PRKCH: variants seen among roughly 807,000 people sequenced by gnomAD.
The protein encoded by PRKCH is protein kinase C eta type.
A neutral mutation model predicts 82.5 loss-of-function variants in PRKCH; 28 were observed. That is an observed-to-expected ratio of 0.34 (90% CI 0.25 to 0.47). PRKCH has a LOEUF of 0.47. PRKCH is among the 20% of genes least tolerant of loss of function. The pLI is 1.00. For synonymous variants in PRKCH, 322 were observed against 327.4 expected (o/e 0.98, Z 0.18); for missense variants, 705 against 881.8 (o/e 0.80, Z 2.54).
intron 2 of PRKCH, among the ~76,000 whole-genome samples, chr14:61,399,960 T>C (rs1404230094): frequency 6.6e-6 from 1 of 152,250 alleles, no homozygotes; most frequent in African/African-American, 2.4e-5. Flanking sequence ...ATTTAATATG[T>C]AACTTGGAAA....
intron 1 of PRKCH, among the ~76,000 whole-genome samples, chr14:61,198,797 T>C (rs963858812): frequency 6.6e-6 from 1 of 152,054 alleles, no homozygotes; most frequent in Non-Finnish European, 1.5e-5. Context: ...GTTTGGAAAA[T>C]GGGCAGGATG....
chr14:61,423,605 C>G (rs58841042), intron 2 of PRKCH, among the ~76,000 whole-genome samples: 1,896 of 152,166 alleles, frequency 0.012, 42 homozygotes, highest in African/African-American at 0.043. Context: ...GAGTGGAATC[C>G]TGGCAGGAGA....
At chr14:61,225,150 AT>A (rs2044687456) in intron 1 of PRKCH, among the ~76,000 whole-genome samples, 1 of 152,166 alleles carries the variant, frequency 6.6e-6, no homozygotes, top group South Asian at 2.1e-4. Context: ...TTGTGTTGGA[AT>A]TTGTTTTGAT....
chr14:61,408,179 C>T (rs1371114467), intron 2 of PRKCH, among the ~76,000 whole-genome samples: 4 of 152,198 alleles, frequency 2.6e-5, no homozygotes, highest in African/African-American at 9.7e-5. Flanking sequence ...AGGCGTCTCT[C>T]TTGCACTGTT....
chr14:61,252,839 T>G (rs1338868027), intron 1 of PRKCH, among the ~76,000 whole-genome samples: 1 of 152,220 alleles, frequency 6.6e-6, no homozygotes, highest in Non-Finnish European at 1.5e-5. Context: ...TCTTTTCTCC[T>G]TAGTCTCTCA....
At chr14:61,276,535 T>A (rs550717457) in intron 1 of PRKCH, among the ~76,000 whole-genome samples, 59 of 152,048 alleles carry the variant, frequency 3.9e-4, no homozygotes, top group Non-Finnish European at 6.3e-4. Context: ...TTTGTATTTT[T>A]ATTAGAGGCG....
chr14:61,541,603 A>G (rs1283761319), intron 12 of PRKCH, among the ~76,000 whole-genome samples: 1 of 152,242 alleles, frequency 6.6e-6, no homozygotes, highest in Non-Finnish European at 1.5e-5. Context: ...CCCAACAGCC[A>G]CATCCAACCA....
intron 2 of PRKCH, among the ~76,000 whole-genome samples, chr14:61,406,299 C>CAAGGGTCAGGTTACAGTTTTTGCGTT (rs142395392): frequency 0.66 from 91,033 of 138,070 alleles, 27,862 homozygotes; most frequent in Non-Finnish European, 0.67. Flanking sequence ...AATGCTGCGA[C>CAAGGGTCAGGTTACAGTTTTTGCGTT]AAGGGTCAGG....
At chr14:61,376,231 A>G (rs1013555378) in intron 1 of PRKCH, among the ~76,000 whole-genome samples, 13 of 152,028 alleles carry the variant, frequency 8.6e-5, no homozygotes, top group Non-Finnish European at 1.2e-4. Context: ...GCCTTTCCCA[A>G]CACCCTTCTT....
At chr14:61,486,656 T>C (rs1012350064) in intron 10 of PRKCH, among the ~76,000 whole-genome samples, 5 of 151,498 alleles carry the variant, frequency 3.3e-5, no homozygotes, top group African/African-American at 1.2e-4. Flanking sequence ...TTCTTTTTTA[T>C]TGTTTTATTT....
chr14:61,424,600 G>T (rs1883014530), intron 2 of PRKCH, among the ~76,000 whole-genome samples: 1 of 152,192 alleles, frequency 6.6e-6, no homozygotes, highest in Non-Finnish European at 1.5e-5. Flanking sequence ...TAAAAGGGAA[G>T]CAGAGTATAG....
In PRKCH at chr14:61,412,231, A is replaced by G. The variant is rs145934473; in HGVS notation, c.427+20943A>G. Among the ~76,000 whole-genome samples, 720 of 152,358 alleles carry G rather than the reference A, an allele frequency of 4.7e-3. 7 individuals are homozygous for G. The highest frequency in any genetic ancestry group is 0.017 in the African/African-American group (689 of 41,586). On this transcript the variant is annotated intron_variant, in intron 2 of 13. Transcript: ENST00000332981. ...AACCAATCAAAACTGACCCAGAATTAACGCAGATGTTACAATTAGCAGATA... is the reference window on the plus strand; with the variant it reads ...AACCAATCAAAACTGACCCAGAATTGACGCAGATGTTACAATTAGCAGATA...
At chr14:61,229,526 T>G (rs903563131) in intron 1 of PRKCH, among the ~76,000 whole-genome samples, 12 of 152,234 alleles carry the variant, frequency 7.9e-5, no homozygotes, top group African/African-American at 2.7e-4. Context: ...CACTAGCTGT[T>G]TGTGTAAATG....
In PRKCH at chr14:61,231,423, C is replaced by T. The variant is rs541325726; in HGVS notation, c.-19+43755C>T. Among the ~76,000 whole-genome samples, 170 of 142,448 alleles carry T rather than the reference C, an allele frequency of 1.2e-3. 1 individual carries two copies. The highest frequency in any genetic ancestry group is 8.3e-3 in the Middle Eastern group (2 of 242). 93.5% of individuals were successfully genotyped at this position (142,448 alleles called of 152,430 possible). ...TGTCACCCAGGCTGGAGTGCAGTGG[C>T]GCGATCTCGGCTCACTGCAAGCTCT... On this transcript the variant is annotated intron_variant, in intron 1 of 3. Coordinates refer to the PRKCH transcript ENST00000555185.
chr14:61,540,562 A>C (rs1300979480), intron 12 of PRKCH, among the ~76,000 whole-genome samples: 1 of 152,244 alleles, frequency 6.6e-6, no homozygotes, highest in African/African-American at 2.4e-5. Flanking sequence ...TAATAACCAC[A>C]GTTGCTTTAA....
At chr14:61,516,366 A>G (rs1346230864) in intron 10 of PRKCH, among the ~76,000 whole-genome samples, 1 of 152,188 alleles carries the variant, frequency 6.6e-6, no homozygotes, top group Non-Finnish European at 1.5e-5. Context: ...TTTTTAAACT[A>G]AAAGTAACAC....
chr14:61,259,012 C>T (rs2045022750), intron 1 of PRKCH, among the ~76,000 whole-genome samples: 3 of 152,184 alleles, frequency 2.0e-5, no homozygotes, highest in Admixed American at 2.0e-4. Flanking sequence ...TTCACGAAGT[C>T]AATTCCCTCT....
At chr14:61,379,825 C>G (rs906895387) in intron 1 of PRKCH, among the ~76,000 whole-genome samples, 1 of 152,150 alleles carries the variant, frequency 6.6e-6, no homozygotes, top group Non-Finnish European at 1.5e-5. Flanking sequence ...GTAAGGAGAA[C>G]GTATGCTCCC....
chr14:61,323,222 G>C (rs1336907601), intron 1 of PRKCH, among the ~76,000 whole-genome samples: 4 of 152,110 alleles, frequency 2.6e-5, no homozygotes, highest in Admixed American at 6.5e-5. Flanking sequence ...TTGACGTGTA[G>C]CTACCCGCAG....
Sources: allele counts gnomAD v4.1 joint callset (sites outside exome capture counted in the v4.1 genomes callset), GRCh38; gene constraint gnomAD v4.1.1; transcripts MANE v1.5; gene names NCBI Gene and HGNC (gene_info 2026-07-23, HGNC 2026-07-21).